The following PPM1H variants were observed in gnomAD, a reference collection of about 807,000 sequenced individuals.
The protein encoded by PPM1H is protein phosphatase, Mg2+/Mn2+ dependent 1H.
PPM1H carries 27 observed loss-of-function variants against 54.9 expected under a neutral mutation model. That is an observed-to-expected ratio of 0.49 (90% confidence interval 0.36 to 0.68). The LOEUF is 0.68. Among genes scored for constraint, PPM1H ranks in the 30% least tolerant of loss-of-function variants. The pLI is 0.00. For missense variants in PPM1H, 596 were observed against 667.8 expected, an observed-to-expected ratio of 0.89 and a Z score of 1.19; for synonymous variants, 305 against 270.8, an observed-to-expected ratio of 1.13 and a Z score of -1.24.
At chr12:62,907,693 G>A (rs1871341124) in intron 1 of PPM1H, among the ~76,000 whole-genome samples, 1 of 152,156 alleles carries the variant, frequency 6.6e-6, no homozygotes, top group Non-Finnish European at 1.5e-5. Context: ...GTGTGACCTG[G>A]AGAATTTAAA....
At chr12:62,743,242 A>G (rs112174028) in intron 4 of PPM1H, among the ~76,000 whole-genome samples, 58 of 152,210 alleles carry the variant, frequency 3.8e-4, no homozygotes, top group African/African-American at 1.4e-3. Flanking sequence ...AGTCACAGCT[A>G]CTTGGGAGGC....
At chr12:62,755,233 G>A in intron 4 of PPM1H, 1 of 707,688 alleles carries the variant, frequency 1.4e-6, no homozygotes, top group South Asian at 1.4e-5. Flanking sequence ...TACGGTGAAG[G>A]TGAAGATCAA....
chr12:62,753,113 G>GGGA (rs1269824631), intron 4 of PPM1H, among the ~76,000 whole-genome samples: 2 of 152,142 alleles, frequency 1.3e-5, no homozygotes, highest in Non-Finnish European at 2.9e-5. Flanking sequence ...AGTGTTCTAG[G>GGGA]GAATGCATAC....
At chr12:62,860,143 A>T (rs1179499624) in intron 1 of PPM1H, among the ~76,000 whole-genome samples, 1 of 152,192 alleles carries the variant, frequency 6.6e-6, no homozygotes, top group Non-Finnish European at 1.5e-5. Context: ...GGAGAAGCAA[A>T]TACATCCTTC....
chr12:62,757,387 A>G (rs2076482886), intron 4 of PPM1H, among the ~76,000 whole-genome samples: 1 of 152,214 alleles, frequency 6.6e-6, no homozygotes, highest in African/African-American at 2.4e-5. Context: ...ACCATGGCCT[A>G]GTAAGGCTGA....
chr12:62,651,463 T>C (rs2075815779), intron 9 of PPM1H, among the ~76,000 whole-genome samples: 3 of 152,224 alleles, frequency 2.0e-5, no homozygotes, highest in Admixed American at 1.3e-4. Flanking sequence ...CTGCTATTAC[T>C]AGTGACTTTG....
chr12:62,765,794 A>G (rs2076539199), intron 4 of PPM1H, among the ~76,000 whole-genome samples: 1 of 152,198 alleles, frequency 6.6e-6, no homozygotes, highest in South Asian at 2.1e-4. Flanking sequence ...CTGAAGCTGA[A>G]TCTTCTAGAA....
intron 4 of PPM1H, chr12:62,755,400 T>TG: frequency 1.4e-6 from 1 of 739,354 alleles, no homozygotes; most frequent in Admixed American, 1.7e-5. Context: ...TCCATGGCAC[T>TG]GCCAAGGCTG....
intron 9 of PPM1H, among the ~76,000 whole-genome samples, chr12:62,649,269 C>G (rs1262549834): frequency 6.7e-6 from 1 of 149,972 alleles, no homozygotes; most frequent in Non-Finnish European, 1.5e-5. Flanking sequence ...GAGTGAGCTG[C>G]TTACTTGTCA....
At chr12:62,769,566 T>C (rs1229529712) in intron 4 of PPM1H, among the ~76,000 whole-genome samples, 3 of 152,222 alleles carry the variant, frequency 2.0e-5, no homozygotes, top group African/African-American at 7.2e-5. Context: ...CTGACATTCA[T>C]TCAATGTCTT....
intron 6 of PPM1H, among the ~76,000 whole-genome samples, chr12:62,704,644 G>A (rs1279289899): frequency 6.6e-6 from 1 of 152,198 alleles, no homozygotes; most frequent in Non-Finnish European, 1.5e-5. Flanking sequence ...CCTTTGAATT[G>A]TGAGTGTGAT....
At chr12:62,651,711 G>A (rs2075817685) in intron 9 of PPM1H, among the ~76,000 whole-genome samples, 1 of 152,050 alleles carries the variant, frequency 6.6e-6, no homozygotes, top group African/African-American at 2.4e-5. Context: ...ATCCACTCTT[G>A]CTTTCTCAAT....
intron 3 of PPM1H, among the ~76,000 whole-genome samples, chr12:62,790,860 T>C (rs1313042723): frequency 1.3e-5 from 2 of 152,148 alleles, no homozygotes; most frequent in African/African-American, 4.8e-5. Flanking sequence ...TTACTTCAAC[T>C]GTGTATAAAT....
intron 1 of PPM1H, among the ~76,000 whole-genome samples, chr12:62,841,873 C>A (rs941559039): frequency 6.6e-6 from 1 of 152,166 alleles, no homozygotes. Context: ...TAAATATCAG[C>A]GTTTTCTTCT....
intron 6 of PPM1H, among the ~76,000 whole-genome samples, chr12:62,707,363 C>A (rs2076181790): frequency 6.6e-6 from 1 of 152,198 alleles, no homozygotes. Flanking sequence ...TGGCTCACTG[C>A]AGGTGGACAA....
chr12:62,886,216 A>G (rs886468855), intron 1 of PPM1H, among the ~76,000 whole-genome samples: 1 of 152,186 alleles, frequency 6.6e-6, no homozygotes. Flanking sequence ...CGCCATGACT[A>G]TCTTTAGTAA....
At chr12:62,929,613 A>AC (rs1343057899) in intron 1 of PPM1H, among the ~76,000 whole-genome samples, 10 of 151,822 alleles carry the variant, frequency 6.6e-5, no homozygotes, top group African/African-American at 2.2e-4. Flanking sequence ...TATAGTAAAC[A>AC]CCCCCCTGCA....
At chr12:62,861,539 T>C (rs1869601594) in intron 1 of PPM1H, among the ~76,000 whole-genome samples, 1 of 152,230 alleles carries the variant, frequency 6.6e-6, no homozygotes, top group Non-Finnish European at 1.5e-5. Flanking sequence ...TGCTTTCTCC[T>C]CGTCAGACAC....
intron 4 of PPM1H, among the ~76,000 whole-genome samples, chr12:62,764,940 G>A (rs1370385447): frequency 2.6e-5 from 4 of 152,222 alleles, no homozygotes; most frequent in Non-Finnish European, 4.4e-5. Context: ...CATGCGTGCC[G>A]CTTAGTTAGG....
Sources: allele counts gnomAD v4.1 joint callset (sites outside exome capture counted in the v4.1 genomes callset), GRCh38; gene constraint gnomAD v4.1.1; transcripts MANE v1.5; gene names NCBI Gene and HGNC (gene_info 2026-07-23, HGNC 2026-07-21).